INTS15: variants seen among roughly 807,000 people sequenced by gnomAD.
The protein encoded by INTS15 is integrator complex subunit 15.
the INTS15 span, among the ~76,000 whole-genome samples, chr7:6,597,021 A>T: frequency 1.1e-4 from 17 of 151,410 alleles, no homozygotes; most frequent in East Asian, 3.4e-3. Flanking sequence ...CTCGTGATCC[A>T]CCCGCCTCGG....
chr7:6,606,683 G>T, the INTS15 span, among the ~76,000 whole-genome samples: 1 of 146,048 alleles, frequency 6.8e-6, no homozygotes, highest in Non-Finnish European at 1.5e-5. Context: ...GCTGGGAAGG[G>T]CCCCAGAGGG....
the INTS15 span, among the ~76,000 whole-genome samples, chr7:6,590,817 C>T: frequency 4.0e-5 from 6 of 151,880 alleles, no homozygotes; most frequent in African/African-American, 1.4e-4. Flanking sequence ...CTTCTTACAT[C>T]TTTTTCTTTT....
the INTS15 span, among the ~76,000 whole-genome samples, chr7:6,598,088 C>T: frequency 6.6e-6 from 1 of 152,116 alleles, no homozygotes; most frequent in East Asian, 1.9e-4. Flanking sequence ...AGAGATGCGT[C>T]AGCTCAGATC....
chr7:6,591,783 G>A, the INTS15 span: 1 of 1,614,110 alleles, frequency 6.2e-7, no homozygotes, highest in Non-Finnish European at 8.5e-7. Flanking sequence ...ATGACAGCCG[G>A]ATGAGCTTGT....
At chr7:6,601,952 C>A in the INTS15 span, 1 of 710,658 alleles carries the variant, frequency 1.4e-6, no homozygotes, top group Admixed American at 2.6e-5. Context: ...CCACTGCGCC[C>A]GGCTAGAACT....
the INTS15 span, chr7:6,608,075 C>A: frequency 6.3e-7 from 1 of 1,578,360 alleles, no homozygotes; most frequent in Non-Finnish European, 8.6e-7. Context: ...TGTCCCGGCC[C>A]ACCCCGCCGC....
At chr7:6,600,006 C>G in the INTS15 span, 1 of 1,614,150 alleles carries the variant, frequency 6.2e-7, no homozygotes, top group Non-Finnish European at 8.5e-7. Context: ...GCACCCCTGG[C>G]TTATAAAAGG....
chr7:6,598,750 T>TGCGTGC, the INTS15 span, among the ~76,000 whole-genome samples: 5 of 99,882 alleles, frequency 5.0e-5, no homozygotes, highest in Admixed American at 3.3e-4. Context: ...TGTGTGTGTG[T>TGCGTGC]GTGTGTGTGT....
At chr7:6,608,019 C>A in the INTS15 span, 1 of 1,600,266 alleles carries the variant, frequency 6.2e-7, no homozygotes. Context: ...GCGCTCCCCC[C>A]GGGGTTCTAC....
At chr7:6,592,707 C>G in the INTS15 span, among the ~76,000 whole-genome samples, 1 of 150,858 alleles carries the variant, frequency 6.6e-6, no homozygotes, top group African/African-American at 2.4e-5. Flanking sequence ...CTCCTGGGCT[C>G]AAGTGATCCT....
At chr7:6,605,577 C>G in the INTS15 span, among the ~76,000 whole-genome samples, 1 of 152,212 alleles carries the variant, frequency 6.6e-6, no homozygotes, top group Non-Finnish European at 1.5e-5. Flanking sequence ...TTGACTCCAT[C>G]CCTTCCAAGG....
At chr7:6,601,452 C>T in the INTS15 span, among the ~76,000 whole-genome samples, 6 of 151,962 alleles carry the variant, frequency 3.9e-5, no homozygotes, top group Non-Finnish European at 5.9e-5. Flanking sequence ...TGTGTCAGCA[C>T]GTCTGGCTAA....
the INTS15 span, among the ~76,000 whole-genome samples, chr7:6,601,635 G>T: frequency 6.7e-6 from 1 of 149,736 alleles, no homozygotes; most frequent in African/African-American, 2.5e-5. Context: ...AAGACAAGGA[G>T]AACTCAGATT....
chr7:6,605,029 G>T, the INTS15 span, among the ~76,000 whole-genome samples: 6 of 152,002 alleles, frequency 3.9e-5, no homozygotes, highest in Non-Finnish European at 8.8e-5. Flanking sequence ...GTCTCATTGT[G>T]TCACCCAGGC....
At chr7:6,590,322 G>A in the INTS15 span, 31 of 1,592,072 alleles carry the variant, frequency 1.9e-5, no homozygotes, top group Non-Finnish European at 2.5e-5. Context: ...GCCGCGATGC[G>A]CTGAGCGCCG....
the INTS15 span, among the ~76,000 whole-genome samples, chr7:6,604,463 A>C: frequency 6.6e-6 from 1 of 152,232 alleles, no homozygotes; most frequent in South Asian, 2.1e-4. Flanking sequence ...GGTTTATAGA[A>C]ATGACAAAGT....
At chr7:6,591,518 C>A in the INTS15 span, 1 of 739,752 alleles carries the variant, frequency 1.4e-6, no homozygotes, top group Admixed American at 2.1e-5. Flanking sequence ...CCCACCTTGG[C>A]CTCCCAAAGT....
At chr7:6,601,113 T>G in the INTS15 span, among the ~76,000 whole-genome samples, 1,857 of 152,014 alleles carry the variant, frequency 0.012, 44 homozygotes, top group African/African-American at 0.042. Context: ...ACTACAAGTG[T>G]GTACCACCAC....
the INTS15 span, chr7:6,602,593 C>G: frequency 2.2e-6 from 1 of 447,958 alleles, no homozygotes; most frequent in Admixed American, 2.4e-5. Context: ...CTTGGGAAGT[C>G]TCTTGACCTG....
Sources: gnomAD v4.1 joint callset for allele counts (sites outside exome capture counted in the v4.1 genomes callset) on GRCh38, gnomAD v4.1.1 for gene constraint, MANE v1.5 for transcripts, NCBI Gene and HGNC (gene_info 2026-07-23, HGNC 2026-07-21) for gene names.